GNG12: variants seen among roughly 807,000 people sequenced by gnomAD.
The protein encoded by GNG12 is G protein subunit gamma 12.
For missense variants in GNG12, 69 were observed against 83.8 expected, an observed-to-expected ratio of 0.82 and a Z score of 0.69; for synonymous variants, 28 against 29.7, an observed-to-expected ratio of 0.94 and a Z score of 0.19.
rs1557592858 is a variant in GNG12 at position 67,711,355 on chromosome 1, G to C, written c.-26-3643C>G. On this transcript the variant is annotated intron_variant, in intron 2 of 3. Transcript: ENST00000370982. ...GTATTTAATTATGTATGTACACACGGGAGTGCCACAAATATGAGACTCAAA... is the reference window on the plus strand; with the variant it reads ...GTATTTAATTATGTATGTACACACGCGAGTGCCACAAATATGAGACTCAAA... Among the ~76,000 whole-genome samples the C allele has an allele frequency of 4.0e-5, 6 of 151,390 alleles. 1 individual carries two copies. In the South Asian group the frequency reaches 1.3e-3, roughly 32 times the overall value.
At chr1:67,799,243 C>T (rs1057463959) in intron 1 of GNG12, among the ~76,000 whole-genome samples, 21 of 152,122 alleles carry the variant, frequency 1.4e-4, no homozygotes, top group African/African-American at 3.4e-4. Context: ...TAGTTAGGAA[C>T]ATGGCTACCC....
chr1:67,755,922 C>T (rs1160959228), intron 2 of GNG12, among the ~76,000 whole-genome samples: 1 of 152,002 alleles, frequency 6.6e-6, no homozygotes, highest in Non-Finnish European at 1.5e-5. Context: ...CACCAAGATG[C>T]TAAAGCCTTA....
intron 1 of GNG12, among the ~76,000 whole-genome samples, chr1:67,783,274 T>C (rs571162712): frequency 6.6e-6 from 1 of 152,318 alleles, no homozygotes; most frequent in East Asian, 1.9e-4. Flanking sequence ...TGCCAGTTTT[T>C]ATTATCACAA....
chr1:67,716,129 G>A (rs1042098427), intron 2 of GNG12, among the ~76,000 whole-genome samples: 1 of 152,182 alleles, frequency 6.6e-6, no homozygotes, highest in African/African-American at 2.4e-5. Context: ...GCACAGAGAG[G>A]TGGGAAATGT....
intron 1 of GNG12, among the ~76,000 whole-genome samples, chr1:67,779,998 TA>T (rs1646728362): frequency 6.6e-6 from 1 of 152,190 alleles, no homozygotes; most frequent in Non-Finnish European, 1.5e-5. Context: ...ATCTTTAAAA[TA>T]GGTTGTTTTG....
At position 67,741,795 on chromosome 1, in the gene GNG12, T is replaced by C. The variant is rs768136; in HGVS notation, c.-26-34083A>G. 4.2e-3 allele frequency among the ~76,000 whole-genome samples: 632 copies of C among 152,282 alleles called. 6 individuals are homozygous for C. Among genetic ancestry groups the C allele is most frequent in the African/African-American group, 0.015 (606 of 41,548 alleles). On this transcript the variant is annotated intron_variant, in intron 2 of 3. Transcript: ENST00000370982. ...CTGTTTTATTTGGCCTACAGAGAAT[T>C]ATTATTATTTTTTTCATGGAGCTAA...
chr1:67,833,424 C>T lies in GNG12; in HGVS notation c.-157G>A. 13 of 984,936 alleles carry T rather than the reference C, an allele frequency of 1.3e-5. No homozygotes were observed. The highest frequency in any genetic ancestry group is 1.6e-5 in the Non-Finnish European group (13 of 829,694). 61.0% of individuals were successfully genotyped at this position (984,936 alleles called of 1,614,324 possible). A position where few individuals can be genotyped will look rare whatever the true frequency, so the allele number is the denominator to read the frequency against. ...CCTGGAGACGGCTCCGACCTCTCCT[C>T]CTCCTCCTCCTCTTGCTCCTCCGGG... is the stretch of plus-strand genomic sequence containing the variant. On this transcript the variant is annotated 5_prime_UTR_variant, in exon 1 of 4. Coordinates refer to ENST00000370982, the MANE Select transcript of GNG12 (RefSeq NM_018841.6).
At chr1:67,716,998 C>A (rs984589344) in intron 2 of GNG12, among the ~76,000 whole-genome samples, 1 of 152,114 alleles carries the variant, frequency 6.6e-6, no homozygotes. Flanking sequence ...GCCTGGGCAG[C>A]GAGTTCCTCA....
intron 1 of GNG12, among the ~76,000 whole-genome samples, chr1:67,792,602 T>C (rs918338913): frequency 6.6e-6 from 1 of 152,234 alleles, no homozygotes; most frequent in African/African-American, 2.4e-5. Flanking sequence ...CTTTAAAAAA[T>C]GCTTGCAGAA....
chr1:67,816,131 T>C (rs1343425512), intron 1 of GNG12, among the ~76,000 whole-genome samples: 2 of 149,772 alleles, frequency 1.3e-5, no homozygotes, highest in African/African-American at 5.1e-5. Flanking sequence ...ATCTTGAGAC[T>C]TTTTTTTCTT....
chr1:67,833,307 C>T (rs1023188666), intron 1 of GNG12, 37 bp downstream of exon 1: 20 of 857,782 alleles, frequency 2.3e-5, no homozygotes, highest in African/African-American at 1.5e-4. Flanking sequence ...CCCGCGGGGA[C>T]CCGACTCACC....
chr1:67,775,019 C>T (rs968554508), intron 2 of GNG12, among the ~76,000 whole-genome samples: 1 of 152,172 alleles, frequency 6.6e-6, no homozygotes, highest in African/African-American at 2.4e-5. Flanking sequence ...ACTATTGTTG[C>T]TGTTATTGTT....
chr1:67,811,474 C>A (rs879599512), intron 1 of GNG12, among the ~76,000 whole-genome samples: 1 of 152,188 alleles, frequency 6.6e-6, no homozygotes, highest in Non-Finnish European at 1.5e-5. Flanking sequence ...AATAATACTT[C>A]CTGGGGTTTC....
At chr1:67,816,788 A>G (rs867983774) in intron 1 of GNG12, among the ~76,000 whole-genome samples, 7 of 152,330 alleles carry the variant, frequency 4.6e-5, no homozygotes, top group Middle Eastern at 6.8e-3. Flanking sequence ...CCAGCTCACT[A>G]GATTTAATGA....
At chr1:67,809,199 T>C (rs538360954) in intron 1 of GNG12, among the ~76,000 whole-genome samples, 6 of 152,182 alleles carry the variant, frequency 3.9e-5, no homozygotes, top group African/African-American at 1.4e-4. Flanking sequence ...TTTCAACAAA[T>C]AGTGCCAGAA....
Position 67,798,406 on chromosome 1 carries a change from C to T in GNG12, c.-76-20899G>A, listed in dbSNP as rs116986091. Among the ~76,000 whole-genome samples, 86 of 152,266 alleles carry T rather than the reference C, an allele frequency of 5.6e-4. No homozygotes were observed. In the East Asian group the frequency reaches 8.5e-3, roughly 15 times the overall value. Reference sequence around the variant, plus strand: ...CTGGCCATGGAAAAACCGTCTTCCACGAAACTGGTCCCTGGTGCCAAAAAG... The same window carrying T: ...CTGGCCATGGAAAAACCGTCTTCCATGAAACTGGTCCCTGGTGCCAAAAAG... On this transcript the variant is annotated intron_variant, in intron 1 of 3. Coordinates refer to ENST00000370982, the MANE Select transcript of GNG12 (RefSeq NM_018841.6).
chr1:67,779,522 C>T (rs1168370829), intron 1 of GNG12, among the ~76,000 whole-genome samples: 4 of 115,808 alleles, frequency 3.5e-5, no homozygotes, highest in East Asian at 2.6e-4. Flanking sequence ...AAAATGCACA[C>T]CCCCTTATGC....
At chr1:67,784,144 T>A (rs936031106) in intron 1 of GNG12, among the ~76,000 whole-genome samples, 14 of 150,738 alleles carry the variant, frequency 9.3e-5, no homozygotes, top group Admixed American at 9.2e-4. Flanking sequence ...CCATAAAAAA[T>A]GAAGAGTTCA....
At chr1:67,728,177 C>A (rs945847706) in intron 2 of GNG12, among the ~76,000 whole-genome samples, 1 of 152,178 alleles carries the variant, frequency 6.6e-6, no homozygotes, top group Non-Finnish European at 1.5e-5. Flanking sequence ...CTGGGCAGCT[C>A]TTTTCATGCA....
Sources: allele counts gnomAD v4.1 joint callset (sites outside exome capture counted in the v4.1 genomes callset), GRCh38; gene constraint gnomAD v4.1.1; transcripts MANE v1.5; gene names NCBI Gene and HGNC (gene_info 2026-07-23, HGNC 2026-07-21).